Variants in ITPR1 observed in about 807,000 individuals in gnomAD.
ITPR1 encodes inositol 1,4,5-trisphosphate-gated calcium channel ITPR1.
ITPR1 carries 96 observed loss-of-function variants against 318.4 expected under a neutral mutation model. That is an observed-to-expected ratio of 0.30 (90% CI 0.26 to 0.36). The LOEUF is 0.36. Among genes scored for constraint, ITPR1 ranks in the 10% least tolerant of loss-of-function variants. ITPR1 has a pLI of 1.00. For synonymous variants in ITPR1, 1,312 were observed against 1,289.9 expected (o/e 1.02, Z -0.37); for missense variants, 2,440 against 3,460.2 (o/e 0.71, Z 7.40).
At chr3:4,769,488 G>A (rs1213985645) in intron 46 of ITPR1, among the ~76,000 whole-genome samples, 2 of 152,160 alleles carry the variant, frequency 1.3e-5, no homozygotes, top group African/African-American at 4.8e-5. Context: ...AATATTTGTT[G>A]GTTGAATGAA....
chr3:4,798,876 A>G (rs1160382139), intron 53 of ITPR1, among the ~76,000 whole-genome samples: 1 of 152,222 alleles, frequency 6.6e-6, no homozygotes, highest in African/African-American at 2.4e-5. Context: ...GAAATTCTAG[A>G]AAGTGCAAAG....
chr3:4,627,775 A>G lies in ITPR1; in HGVS notation c.176A>G (p.Lys59Arg), dbSNP rs780830383. The G allele has an allele frequency of 6.2e-7, 1 of 1,612,600 alleles. No individual in the cohort carries two copies. Among genetic ancestry groups the G allele is most frequent in the Non-Finnish European group, 8.5e-7 (1 of 1,178,746 alleles). The change falls in exon 5 of 62, where the codon AAG becomes AGG. Residue 59 changes from lysine to arginine, a missense_variant. Lys to Arg is a conservative substitution (Grantham distance 26). Transcript: ENST00000649015. The stretch of plus-strand genomic sequence containing the variant: ...GCTTCACTTCTAGACTGCCTCTTTA[A>G]GCTATGTCCCATGAACCGCTACTCT... ...PPKKFRDCLF[K>R]LCPMNRYSAQ...
intron 4 of ITPR1, among the ~76,000 whole-genome samples, chr3:4,604,652 G>A (rs1398692498): frequency 1.3e-5 from 2 of 152,018 alleles, no homozygotes; most frequent in African/African-American, 2.4e-5. Flanking sequence ...GAATGAACTG[G>A]TGTGGGGTCA....
chr3:4,701,776 T>C (rs887273536), intron 35 of ITPR1, among the ~76,000 whole-genome samples: 7 of 152,224 alleles, frequency 4.6e-5, no homozygotes, highest in African/African-American at 1.7e-4. Context: ...TGAGATCATA[T>C]GTGAAATGTC....
At chr3:4,794,932 T>C in intron 52 of ITPR1, 133 bp from the exon 53 acceptor site, 1 of 1,002,158 alleles carries the variant, frequency 1.0e-6, no homozygotes, top group Non-Finnish European at 1.4e-6. Context: ...CAAATGATCA[T>C]TTTTACTCTT....
chr3:4,554,264 G>A (rs930842477), intron 4 of ITPR1, among the ~76,000 whole-genome samples: 1 of 152,200 alleles, frequency 6.6e-6, no homozygotes, highest in Non-Finnish European at 1.5e-5. Context: ...ACTGATACCT[G>A]TGAGCTTAGC....
chr3:4,606,007 T>G (rs935972342), intron 4 of ITPR1, among the ~76,000 whole-genome samples: 2 of 152,200 alleles, frequency 1.3e-5, no homozygotes, highest in African/African-American at 4.8e-5. Context: ...ATTGGATCAT[T>G]ACCATTTGCA....
At chr3:4,649,317 C>A (rs1461845027) in intron 10 of ITPR1, among the ~76,000 whole-genome samples, 1 of 152,112 alleles carries the variant, frequency 6.6e-6, no homozygotes, top group Non-Finnish European at 1.5e-5. Context: ...CATAGGAAGA[C>A]GTTGAATAGT....
At chr3:4,508,440 T>C (rs2081546957) in intron 2 of ITPR1, among the ~76,000 whole-genome samples, 1 of 150,160 alleles carries the variant, frequency 6.7e-6, no homozygotes, top group Non-Finnish European at 1.5e-5. Flanking sequence ...GAATTCTGTG[T>C]AGGCGAAAAT....
At chr3:4,814,911 G>A in intron 58 of ITPR1, 142 bp from the exon 59 acceptor site, 1 of 725,184 alleles carries the variant, frequency 1.4e-6, no homozygotes, top group South Asian at 1.9e-5. Flanking sequence ...CATGAAAAGA[G>A]ATGCAGTTTT....
chr3:4,567,408 T>C (rs114701673), intron 4 of ITPR1, among the ~76,000 whole-genome samples: 1,685 of 152,308 alleles, frequency 0.011, 31 homozygotes, highest in African/African-American at 0.038. Context: ...AGTCCTTTTT[T>C]CTTGCAACTT....
chr3:4,624,258 AT>A (rs2092742225), intron 4 of ITPR1, among the ~76,000 whole-genome samples: 1 of 152,230 alleles, frequency 6.6e-6, no homozygotes, highest in African/African-American at 2.4e-5. Context: ...CATTTGGTCC[AT>A]AAAGTAAGTC....
intron 11 of ITPR1, among the ~76,000 whole-genome samples, 154 bp downstream of exon 11, chr3:4,652,372 T>C (rs1284287751): frequency 6.6e-6 from 1 of 152,200 alleles, no homozygotes; most frequent in Non-Finnish European, 1.5e-5. Context: ...TCTGATTCAT[T>C]TTCCTAGAAG....
chr3:4,817,990 C>G, intron 59 of ITPR1, 92 bp from the exon 60 acceptor site: 2 of 1,037,556 alleles, frequency 1.9e-6, no homozygotes, highest in Non-Finnish European at 2.7e-6. Context: ...AGTGAAACCA[C>G]AGCCCCCTTT....
chr3:4,830,430 AT>A (rs1015596367), intron 60 of ITPR1, among the ~76,000 whole-genome samples: 65 of 151,576 alleles, frequency 4.3e-4, no homozygotes, highest in African/African-American at 1.1e-3. Flanking sequence ...CTAAAGACTA[AT>A]TTTTTTTTCT....
chr3:4,689,416 C>A (rs1489917127), intron 31 of ITPR1, among the ~76,000 whole-genome samples: 1 of 152,216 alleles, frequency 6.6e-6, no homozygotes, highest in Non-Finnish European at 1.5e-5. Context: ...AATCTGAAAT[C>A]TGAAAGACTC....
intron 41 of ITPR1, 113 bp from the exon 42 acceptor site, chr3:4,727,013 G>A: frequency 2.3e-6 from 2 of 858,648 alleles, no homozygotes; most frequent in Non-Finnish European, 3.8e-6. Context: ...TTCTCCTTTT[G>A]TGTAACTCTT....
At position 4,836,904 on chromosome 3, in the gene ITPR1, T is replaced by C; in HGVS notation, c.8159T>C (p.Leu2720Pro). ...LESTMKLVTN[L>P]SGQLSELKDQ... The stretch of plus-strand genomic sequence containing the variant: ...TCCACCATGAAACTTGTCACGAACC[T>C]TTCTGGCCAGCTGTCGGAATTAAAG... Residue 2720 changes from leucine (L) to proline (P), a missense_variant, in exon 61 of 62, where the codon CTT becomes CCT. Physicochemically the swap from Leu to Pro is moderately conservative, Grantham distance 98 (BLOSUM62 -3). Coordinates refer to ENST00000649015, the MANE Select transcript of ITPR1 (RefSeq NM_001378452.1). The C allele has an allele frequency of 1.3e-6, 2 of 1,595,170 alleles. No individual in the cohort carries two copies. The highest frequency in any genetic ancestry group is 1.7e-6 in the Non-Finnish European group (2 of 1,166,466).
chr3:4,645,269 T>G, intron 8 of ITPR1, 118 bp from the exon 9 acceptor site: 1 of 719,556 alleles, frequency 1.4e-6, no homozygotes, highest in Non-Finnish European at 2.5e-6. Context: ...CGTCAATCTT[T>G]AGAGTTTTTA....
Sources: gnomAD v4.1 joint callset for allele counts (sites outside exome capture counted in the v4.1 genomes callset) on GRCh38, gnomAD v4.1.1 for gene constraint, MANE v1.5 for transcripts, NCBI Gene and HGNC (gene_info 2026-07-23, HGNC 2026-07-21) for gene names.